The following QTRT2 variants were observed in gnomAD, a reference collection of about 807,000 sequenced individuals.
The protein encoded by QTRT2 is queuine tRNA-ribosyltransferase accessory subunit 2.
Under a neutral mutation model 44.8 loss-of-function variants are expected in QTRT2, and 32 were observed. The ratio of observed to expected loss-of-function variants is 0.71; its 90% CI spans 0.54 to 0.96. The LOEUF is 0.96. Among genes scored for constraint, QTRT2 ranks in the 40% least tolerant of loss-of-function variants. The pLI, the probability that QTRT2 is intolerant of heterozygous loss-of-function variation, is 0.00. For synonymous variants in QTRT2, 182 were observed against 187.4 expected (o/e 0.97, Z 0.24); for missense variants, 461 against 503.1 (o/e 0.92, Z 0.80).
At chr3:114,058,978 T>TTATA (rs1341953744) in intron 2 of QTRT2, among the ~76,000 whole-genome samples, 1 of 152,250 alleles carries the variant, frequency 6.6e-6, no homozygotes, top group Non-Finnish European at 1.5e-5. Flanking sequence ...TGATGTGTAC[T>TTATA]TATATATACA....
chr3:114,080,919 A>G (rs534489942), intron 8 of QTRT2, among the ~76,000 whole-genome samples: 1 of 152,372 alleles, frequency 6.6e-6, no homozygotes, highest in African/African-American at 2.4e-5. Context: ...TGGAAACAAA[A>G]TAAATCAAGT....
intron 2 of QTRT2, among the ~76,000 whole-genome samples, chr3:114,059,786 C>T (rs1212404289): frequency 2.6e-5 from 4 of 152,206 alleles, no homozygotes; most frequent in East Asian, 1.9e-4. Flanking sequence ...TTTTTCTCTT[C>T]GTTAATATGT....
At position 114,057,074 on chromosome 3, in the gene QTRT2, A is replaced by C. The variant is rs117024146; in HGVS notation, c.-54A>C. 1.5e-6 allele frequency: 2 copies of C among 1,373,630 alleles called. No individual in the cohort carries two copies. The highest frequency in any genetic ancestry group is 6.9e-5 in the Admixed American group (2 of 29,016). The allele number at this position is 1,373,630 out of a possible 1,614,324, so 85.1% of individuals were successfully genotyped here. On this transcript the variant is annotated 5_prime_UTR_variant, in exon 2 of 10. Coordinates refer to ENST00000281273, the MANE Select transcript of QTRT2 (RefSeq NM_024638.4). ...GAGCGTCGCCGACACCTCTGAGATA[A>C]AAGGGCCCCTTTCGACTAGCCTCTG...
rs35348583 is a variant in QTRT2 at position 114,062,011 on chromosome 3, TA to T, written c.-21-3207del. 8.8e-3 allele frequency among the ~76,000 whole-genome samples: 1,198 copies of T among 135,778 alleles called. 11 individuals are homozygous for T. Among genetic ancestry groups the T allele is most frequent in the African/African-American group, 0.023 (858 of 36,692 alleles). The allele number at this position is 135,778 out of a possible 152,430, so 89.1% of individuals were successfully genotyped here. On this transcript the variant is annotated intron_variant, in intron 2 of 9. Transcript: ENST00000281273. ...GGCCATGGTATGCTGCAGGATATTC[TA>T]AAAAAAAAAAAAAAAAAATCTGAAT...
chr3:114,058,614 C>T (rs1392173109), intron 2 of QTRT2, among the ~76,000 whole-genome samples: 1 of 152,132 alleles, frequency 6.6e-6, no homozygotes, highest in Non-Finnish European at 1.5e-5. Flanking sequence ...CTCACTGCAA[C>T]CTCTGCCTCC....
intron 4 of QTRT2, among the ~76,000 whole-genome samples, chr3:114,067,336 T>G (rs1299122436): frequency 6.6e-6 from 1 of 152,236 alleles, no homozygotes; most frequent in Non-Finnish European, 1.5e-5. Flanking sequence ...CTTGCTTTTT[T>G]TTCACTGGAA....
Position 114,057,061 on chromosome 3 carries a change from C to T in QTRT2, c.-67C>T. The T allele has an allele frequency of 7.2e-7, 1 of 1,384,334 alleles. No individual in the cohort carries two copies. Among genetic ancestry groups the T allele is most frequent in the Non-Finnish European group, 9.3e-7 (1 of 1,072,976 alleles). 85.8% of individuals were successfully genotyped at this position (1,384,334 alleles called of 1,614,324 possible). A position where few individuals can be genotyped will look rare whatever the true frequency, so the allele number is the denominator to read the frequency against. On this transcript the variant is annotated 5_prime_UTR_variant, in exon 2 of 10. Coordinates refer to ENST00000281273, the MANE Select transcript of QTRT2 (RefSeq NM_024638.4). The stretch of plus-strand genomic sequence containing the variant: ...TCATAAATCGTGTGAGCGTCGCCGA[C>T]ACCTCTGAGATAAAAGGGCCCCTTT...
intron 2 of QTRT2, among the ~76,000 whole-genome samples, chr3:114,060,583 C>T (rs2076872946): frequency 6.6e-6 from 1 of 151,510 alleles, no homozygotes; most frequent in Non-Finnish European, 1.5e-5. Flanking sequence ...AGATCCAAAC[C>T]CTAAATAGAT....
chr3:114,080,064 C>G lies in QTRT2; in HGVS notation c.898+7C>G. On this transcript the variant is annotated splice_region_variant and intron_variant, in intron 8 of 9. Transcript: ENST00000281273. ...CCGAATCCTGAAGAGACACGTAAGTCTTTTGAAGTTTATCTCTTATCCTTA... is the reference window on the plus strand; with the variant it reads ...CCGAATCCTGAAGAGACACGTAAGTGTTTTGAAGTTTATCTCTTATCCTTA... 1 of 1,580,976 alleles carries G rather than the reference C, an allele frequency of 6.3e-7. No individual in the cohort carries two copies. The highest frequency in any genetic ancestry group is 8.6e-7 in the Non-Finnish European group (1 of 1,166,182).
chr3:114,073,808 T>C (rs138804974), intron 6 of QTRT2, among the ~76,000 whole-genome samples: 1 of 152,176 alleles, frequency 6.6e-6, no homozygotes, highest in African/African-American at 2.4e-5. Flanking sequence ...TCGTGCTTCT[T>C]ACACCCAGGA....
At chr3:114,064,002 G>T (rs1040659079) in intron 2 of QTRT2, among the ~76,000 whole-genome samples, 7 of 152,030 alleles carry the variant, frequency 4.6e-5, no homozygotes, top group Non-Finnish European at 7.4e-5. Context: ...ATCACCTGAG[G>T]TCAGGAGTTC....
intron 5 of QTRT2, 134 bp downstream of exon 5, chr3:114,068,197 G>A (rs2076979547): frequency 7.1e-6 from 5 of 706,330 alleles, no homozygotes; most frequent in Non-Finnish European, 1.3e-5. Flanking sequence ...TAATTATAGT[G>A]GGATGGGATG....
At chr3:114,081,569 C>T (rs1209924931) in intron 8 of QTRT2, among the ~76,000 whole-genome samples, 1 of 152,150 alleles carries the variant, frequency 6.6e-6, no homozygotes, top group East Asian at 1.9e-4. Context: ...TCCCGAGTAG[C>T]TGGGACTACA....
At chr3:114,068,437 C>T (rs1256547772) in intron 5 of QTRT2, 1 of 254,314 alleles carries the variant, frequency 3.9e-6, no homozygotes, top group Non-Finnish European at 8.0e-6. Context: ...AGTATTATCA[C>T]ATGTATAACT....
Position 114,085,996 on chromosome 3 carries a change from A to AT in QTRT2, c.*94dup. On this transcript the variant is annotated 3_prime_UTR_variant, in exon 10 of 10. Transcript: ENST00000281273. ...TGAAGAAGAAATAATCTGAGCTTTA[A>AT]TTATTTATATTTGGATATAAGGTCT... 9.9e-7 allele frequency: 1 copy of AT among 1,007,078 alleles called. No homozygotes were observed. Among genetic ancestry groups the AT allele is most frequent in the East Asian group, 2.5e-5 (1 of 39,752 alleles). 62.4% of individuals were successfully genotyped at this position (1,007,078 alleles called of 1,614,324 possible).
At position 114,066,113 on chromosome 3, in the gene QTRT2, G is replaced by A. The variant is rs1421253132; in HGVS notation, c.201-115G>A. On this transcript the variant is annotated intron_variant, in intron 3 of 9. Coordinates refer to ENST00000281273, the MANE Select transcript of QTRT2 (RefSeq NM_024638.4). ...ACTCTTGAATAATGGTGTAATTCAA[G>A]ACAGCATTTACCATGATGTAACTTA... is the stretch of plus-strand genomic sequence containing the variant. 1.7e-5 allele frequency: 12 copies of A among 706,966 alleles called. No homozygotes were observed. In the East Asian group the frequency reaches 3.1e-4, roughly 18 times the overall value. 43.8% of individuals were successfully genotyped at this position (706,966 alleles called of 1,614,324 possible).
Position 114,056,820 on chromosome 3 carries a change from T to G in QTRT2, c.-174T>G. The G allele has an allele frequency of 1.4e-5, 21 of 1,534,536 alleles. No individual in the cohort carries two copies. Among genetic ancestry groups the G allele is most frequent in the Non-Finnish European group, 1.8e-5 (21 of 1,146,274 alleles). ...ACACGTGGTAGTGAACTGTGAGGAG[T>G]TTGAGGGGTCTGAAGACTGAAAGAG... On this transcript the variant is annotated 5_prime_UTR_variant, in exon 1 of 10. Transcript: ENST00000281273.
intron 8 of QTRT2, chr3:114,082,469 A>G: frequency 3.0e-6 from 1 of 328,424 alleles, no homozygotes; most frequent in South Asian, 1.2e-4. Context: ...TTGAATCTCT[A>G]AATTGTTTTG....
chr3:114,060,496 G>GATAGA (rs2076867112), intron 2 of QTRT2, among the ~76,000 whole-genome samples: 24 of 144,552 alleles, frequency 1.7e-4, no homozygotes, highest in African/African-American at 5.3e-4. Flanking sequence ...AGGTAGGTAG[G>GATAGA]TAGATAGATA....
Sources: allele counts gnomAD v4.1 joint callset (sites outside exome capture counted in the v4.1 genomes callset), GRCh38; gene constraint gnomAD v4.1.1; transcripts MANE v1.5; gene names NCBI Gene and HGNC (gene_info 2026-07-23, HGNC 2026-07-21).